ZFHX3: variants seen among roughly 807,000 people sequenced by gnomAD.
ZFHX3 encodes zinc finger homeobox protein 3.
In ZFHX3, 42 loss-of-function variants were observed where a neutral mutation model predicts 279.1. That is an observed-to-expected ratio of 0.15 (90% CI 0.12 to 0.19). The LOEUF (loss-of-function observed/expected upper bound fraction) is 0.19, where lower values mean the gene tolerates loss of function less well. Ranked by LOEUF, ZFHX3 falls within the 10% of genes least tolerant of loss-of-function variation. The pLI is 1.00. For synonymous variants in ZFHX3, 2,293 were observed against 1,957.8 expected (o/e 1.17, Z -4.52); for missense variants, 4,981 against 4,754.0 (o/e 1.05, Z -1.40).
At chr16:72,882,065 C>T (rs2038489267) in intron 4 of ZFHX3, among the ~76,000 whole-genome samples, 1 of 152,162 alleles carries the variant, frequency 6.6e-6, no homozygotes, top group African/African-American at 2.4e-5. Context: ...CATACTCACA[C>T]CCCTAAAAAG....
At chr16:73,584,817 G>GTAGGAACAGACAACCTAC (rs2051906304) in intron 2 of ZFHX3, among the ~76,000 whole-genome samples, 1 of 152,158 alleles carries the variant, frequency 6.6e-6, no homozygotes, top group Admixed American at 6.5e-5. Flanking sequence ...CAGAATGGGA[G>GTAGGAACAGACAACCTAC]AAAATTTTTG....
chr16:73,624,082 T>A (rs969265683), intron 2 of ZFHX3, among the ~76,000 whole-genome samples: 2 of 152,214 alleles, frequency 1.3e-5, no homozygotes, highest in African/African-American at 4.8e-5. Context: ...TTTGTCTAAG[T>A]GTTAATGTAA....
intron 5 of ZFHX3, among the ~76,000 whole-genome samples, chr16:73,183,159 C>G (rs1047351665): frequency 3.3e-5 from 5 of 152,092 alleles, no homozygotes; most frequent in African/African-American, 1.2e-4. Context: ...GAGCCAAGAT[C>G]GTGCCACTGC....
intron 5 of ZFHX3, among the ~76,000 whole-genome samples, chr16:73,154,359 C>G (rs979736011): frequency 6.6e-6 from 1 of 152,162 alleles, no homozygotes. Flanking sequence ...GTTTCCTGTT[C>G]CGTTTTTCTG....
intron 2 of ZFHX3, among the ~76,000 whole-genome samples, chr16:72,954,392 G>T (rs954730168): frequency 6.6e-6 from 1 of 152,116 alleles, no homozygotes; most frequent in Admixed American, 6.5e-5. Context: ...ATGAAAAAAA[G>T]AACTTGGCAG....
intron 4 of ZFHX3, among the ~76,000 whole-genome samples, chr16:72,835,555 T>A (rs1283864938): frequency 6.6e-6 from 1 of 152,218 alleles, no homozygotes; most frequent in Non-Finnish European, 1.5e-5. Context: ...AAGATAGAGT[T>A]AAAGCTTTTC....
intron 2 of ZFHX3, among the ~76,000 whole-genome samples, chr16:73,470,166 G>C (rs552407493): frequency 5.3e-5 from 8 of 152,106 alleles, no homozygotes; most frequent in Non-Finnish European, 1.0e-4. Context: ...CGCCCATCTT[G>C]GGAACACACT....
chr16:73,681,324 C>T (rs766247302), intron 1 of ZFHX3, among the ~76,000 whole-genome samples: 3 of 152,134 alleles, frequency 2.0e-5, no homozygotes, highest in African/African-American at 2.4e-5. Flanking sequence ...TAAGAATGAT[C>T]GTCCAAAGCG....
At chr16:73,594,263 A>G (rs2052027063) in intron 2 of ZFHX3, among the ~76,000 whole-genome samples, 1 of 152,226 alleles carries the variant, frequency 6.6e-6, no homozygotes, top group Non-Finnish European at 1.5e-5. Flanking sequence ...GTAAAATAGC[A>G]TAAAATACAT....
Position 72,785,119 on chromosome 16 carries a change from TG to T in ZFHX3, c.*2044del, listed in dbSNP as rs1397561613. 2.0e-5 allele frequency: 3 copies of T among 152,446 alleles called. No individual in the cohort carries two copies. Among genetic ancestry groups the T allele is most frequent in the Non-Finnish European group, 4.4e-5 (3 of 68,040 alleles). The allele number at this position is 152,446 out of a possible 1,614,324, so 9.4% of individuals were successfully genotyped here. A position where few individuals can be genotyped will look rare whatever the true frequency, so the allele number is the denominator to read the frequency against. On this transcript the variant is annotated 3_prime_UTR_variant, in exon 10 of 10. Transcript: ENST00000268489. ...TTCACACTTTGGGGGCAAGGGGAGA[TG>T]GTTTCTGTTGATGTTTAGCTATGAA...
At chr16:73,349,164 T>G in intron 3 of ZFHX3, among the ~76,000 whole-genome samples, 1 of 111,668 alleles carries the variant, frequency 9.0e-6, no homozygotes, top group Non-Finnish European at 2.4e-5. Flanking sequence ...CTCTAGACTT[T>G]TGTTCTGCCA....
chr16:73,135,684 A>G (rs1198406977), intron 6 of ZFHX3, among the ~76,000 whole-genome samples: 1 of 152,178 alleles, frequency 6.6e-6, no homozygotes, highest in Non-Finnish European at 1.5e-5. Flanking sequence ...AAAATTTGAG[A>G]TATTTCAGGT....
At chr16:73,342,695 C>T (rs567719924) in intron 3 of ZFHX3, among the ~76,000 whole-genome samples, 1 of 152,124 alleles carries the variant, frequency 6.6e-6, no homozygotes, top group Non-Finnish European at 1.5e-5. Context: ...TGGTTTCCTG[C>T]AAGAGGTGGG....
At chr16:73,424,581 C>A (rs1383762274) in intron 3 of ZFHX3, among the ~76,000 whole-genome samples, 5 of 151,446 alleles carry the variant, frequency 3.3e-5, no homozygotes, top group Non-Finnish European at 2.9e-5. Flanking sequence ...CCTGTCTCTA[C>A]AAAAAATGAA....
intron 1 of ZFHX3, among the ~76,000 whole-genome samples, chr16:73,811,688 G>A (rs978533312): frequency 5.9e-4 from 89 of 151,970 alleles, no homozygotes; most frequent in African/African-American, 2.1e-3. Flanking sequence ...CTCATGATCT[G>A]CCCACCTCTG....
chr16:73,438,372 C>T (rs1357029030), intron 3 of ZFHX3, among the ~76,000 whole-genome samples: 1 of 152,158 alleles, frequency 6.6e-6, no homozygotes, highest in African/African-American at 2.4e-5. Context: ...GGGATAAGTC[C>T]TTCAATCACT....
At position 72,958,990 on chromosome 16, in the gene ZFHX3, C is replaced by T; in HGVS notation, c.1156G>A (p.Gly386Ser). The change falls in exon 2 of 10, where the codon GGC becomes AGC. Residue 386 changes from glycine (G) to serine (S), a missense_variant. Gly to Ser is a moderately conservative substitution (Grantham distance 56). Coordinates refer to ENST00000268489, the MANE Select transcript of ZFHX3 (RefSeq NM_006885.4). ...EEALPAGSAA[G>S]PEQPQAGLLT... ...AGACCAGCCTGGGGCTGCTCGGGGC[C>T]AGCGGCGGAGCCCGCTGGGAGAGCT... The T allele has an allele frequency of 6.2e-7, 1 of 1,606,974 alleles. No individual in the cohort carries two copies. The highest frequency in any genetic ancestry group is 8.5e-7 in the Non-Finnish European group (1 of 1,176,810).
intron 1 of ZFHX3, among the ~76,000 whole-genome samples, chr16:73,798,965 T>C (rs1392362887): frequency 3.9e-5 from 6 of 152,178 alleles, no homozygotes; most frequent in African/African-American, 1.4e-4. Context: ...AACAGACTCC[T>C]AGAATACAGC....
chr16:73,121,832 G>A (rs1002926272), intron 7 of ZFHX3, among the ~76,000 whole-genome samples: 1 of 151,902 alleles, frequency 6.6e-6, no homozygotes, highest in African/African-American at 2.4e-5. Context: ...AGTCCGGATG[G>A]TCTGTATCTC....
Sources: allele counts gnomAD v4.1 joint callset (sites outside exome capture counted in the v4.1 genomes callset), GRCh38; gene constraint gnomAD v4.1.1; transcripts MANE v1.5; gene names NCBI Gene and HGNC (gene_info 2026-07-23, HGNC 2026-07-21).